Variants in CTNNA3 observed in about 807,000 individuals in gnomAD.
CTNNA3 encodes catenin alpha 3, also known as catenin alpha-3.
In CTNNA3, 76 loss-of-function variants were observed where a neutral mutation model predicts 95.7. That is an observed-to-expected ratio of 0.79 (90% CI 0.66 to 0.96). The LOEUF is 0.96. Ranked by LOEUF, CTNNA3 falls within the 40% of genes least tolerant of loss-of-function variation. The probability of loss-of-function intolerance (pLI) is 0.00; values close to 1 mark genes in which losing one functional copy is unlikely to be tolerated. For missense variants in CTNNA3, 1,191 were observed against 1,089.8 expected (o/e 1.09, Z -1.31); for synonymous variants, 431 against 374.4 (o/e 1.15, Z -1.74).
At chr10:66,604,216 G>C (rs1165975096) in intron 10 of CTNNA3, among the ~76,000 whole-genome samples, 1 of 151,864 alleles carries the variant, frequency 6.6e-6, no homozygotes, top group Non-Finnish European at 1.5e-5. Context: ...AACATATAAG[G>C]AACTCAAGCA....
Position 66,501,683 on chromosome 10 carries a change from G to T in CTNNA3, c.1531+18934C>A, listed in dbSNP as rs144741267. Among the ~76,000 whole-genome samples the T allele has an allele frequency of 4.6e-5, 7 of 152,060 alleles. No homozygotes were observed. In the South Asian group the frequency reaches 1.5e-3, roughly 32 times the overall value. On this transcript the variant is annotated intron_variant, in intron 11 of 17. Transcript: ENST00000433211. The stretch of plus-strand genomic sequence containing the variant: ...TATCATTTAAATCTTGTTGTCATGC[G>T]CCTGTGAGAAACTTTTCAGCTTTAG...
intron 14 of CTNNA3, among the ~76,000 whole-genome samples, chr10:66,071,967 A>T (rs1589326093): frequency 1.3e-5 from 2 of 152,180 alleles, no homozygotes; most frequent in Non-Finnish European, 2.9e-5. Flanking sequence ...TCTAAAAGAG[A>T]GGTCGGCAGA....
chr10:66,724,669 CTA>C (rs976488531), intron 9 of CTNNA3, among the ~76,000 whole-genome samples: 1 of 152,114 alleles, frequency 6.6e-6, no homozygotes, highest in Non-Finnish European at 1.5e-5. Flanking sequence ...TGTGTTGACA[CTA>C]TATACATTTA....
chr10:67,259,528 T>G (rs12413424), intron 5 of CTNNA3, among the ~76,000 whole-genome samples: 20 of 152,336 alleles, frequency 1.3e-4, no homozygotes, highest in Admixed American at 1.3e-3. Context: ...CTTGGATCAC[T>G]TTACAGAGTG....
chr10:65,990,391 GTT>G (rs200243700), intron 15 of CTNNA3, among the ~76,000 whole-genome samples: 8 of 139,842 alleles, frequency 5.7e-5, no homozygotes, highest in East Asian at 2.1e-4. Context: ...GCCAGCATCT[GTT>G]TTTTTTTTTT....
At chr10:66,171,000 G>A (rs1039908856) in intron 13 of CTNNA3, among the ~76,000 whole-genome samples, 1 of 151,994 alleles carries the variant, frequency 6.6e-6, no homozygotes, top group African/African-American at 2.4e-5. Flanking sequence ...AGGTGTGGTG[G>A]CAGGCACCTA....
At chr10:66,969,618 C>T (rs751467312) in intron 7 of CTNNA3, among the ~76,000 whole-genome samples, 3 of 152,040 alleles carry the variant, frequency 2.0e-5, no homozygotes, top group Non-Finnish European at 2.9e-5. Flanking sequence ...TAACTGCTCC[C>T]AGTAGTTATG....
intron 11 of CTNNA3, among the ~76,000 whole-genome samples, chr10:66,414,766 C>T (rs1365150300): frequency 6.6e-6 from 1 of 152,154 alleles, no homozygotes; most frequent in Non-Finnish European, 1.5e-5. Flanking sequence ...TGGGCCACTA[C>T]ACTCTGATGG....
chr10:67,174,322 A>G (rs968943611), intron 7 of CTNNA3, among the ~76,000 whole-genome samples: 3 of 152,228 alleles, frequency 2.0e-5, no homozygotes, highest in African/African-American at 7.2e-5. Context: ...GAAGAGATAT[A>G]TGAGAATAGT....
At chr10:66,230,195 A>G (rs764874821) in intron 13 of CTNNA3, among the ~76,000 whole-genome samples, 2 of 152,110 alleles carry the variant, frequency 1.3e-5, no homozygotes, top group Non-Finnish European at 2.9e-5. Context: ...TAAGATCATT[A>G]TTTTAAATTT....
chr10:66,957,442 GCATATATA>G (rs1848877314), intron 7 of CTNNA3, among the ~76,000 whole-genome samples: 1 of 106,306 alleles, frequency 9.4e-6, no homozygotes, highest in Admixed American at 1.1e-4. Context: ...ATATATATAT[GCATATATA>G]TATATGCATA....
chr10:67,208,514 C>T (rs1864005916), intron 6 of CTNNA3, among the ~76,000 whole-genome samples: 1 of 151,812 alleles, frequency 6.6e-6, no homozygotes, highest in Non-Finnish European at 1.5e-5. Context: ...AAATCAGTGA[C>T]CAGAAAAGAA....
intron 7 of CTNNA3, among the ~76,000 whole-genome samples, chr10:67,158,064 C>T (rs1274228281): frequency 2.0e-5 from 3 of 151,954 alleles, no homozygotes; most frequent in Non-Finnish European, 1.5e-5. Flanking sequence ...GGACTGCCCC[C>T]ACCGGGTTAT....
chr10:66,509,043 C>T (rs750663231), intron 11 of CTNNA3, among the ~76,000 whole-genome samples: 10 of 151,974 alleles, frequency 6.6e-5, no homozygotes, highest in Non-Finnish European at 1.0e-4. Context: ...TCAACACCAG[C>T]GTTTGTTATT....
intron 12 of CTNNA3, among the ~76,000 whole-genome samples, chr10:66,308,505 T>G (rs1014691691): frequency 5.3e-5 from 8 of 152,196 alleles, no homozygotes; most frequent in African/African-American, 1.9e-4. Flanking sequence ...GGCATCATTT[T>G]TAGCCATTAA....
intron 5 of CTNNA3, among the ~76,000 whole-genome samples, chr10:67,477,929 C>T (rs922553004): frequency 6.6e-6 from 1 of 152,014 alleles, no homozygotes; most frequent in African/African-American, 2.4e-5. Context: ...AAAATCAACA[C>T]AAAGAAACTG....
chr10:67,679,217 G>A (rs1372064249), intron 1 of CTNNA3, among the ~76,000 whole-genome samples: 1 of 152,152 alleles, frequency 6.6e-6, no homozygotes, highest in Non-Finnish European at 1.5e-5. Flanking sequence ...AACTCTTTAT[G>A]GTTGGGGGCT....
At chr10:66,194,873 C>T (rs1822379502) in intron 13 of CTNNA3, among the ~76,000 whole-genome samples, 1 of 152,088 alleles carries the variant, frequency 6.6e-6, no homozygotes, top group South Asian at 2.1e-4. Context: ...GCCTTTTCCC[C>T]ACCACAAAGG....
At chr10:66,155,393 C>T (rs891599467) in intron 13 of CTNNA3, among the ~76,000 whole-genome samples, 1 of 151,762 alleles carries the variant, frequency 6.6e-6, no homozygotes, top group South Asian at 2.1e-4. Flanking sequence ...ACTTGTGCCA[C>T]CAAATTAAAT....
Sources: allele counts gnomAD v4.1 joint callset (sites outside exome capture counted in the v4.1 genomes callset), GRCh38; gene constraint gnomAD v4.1.1; transcripts MANE v1.5; gene names NCBI Gene and HGNC (gene_info 2026-07-23, HGNC 2026-07-21).